Variants in NLGN4X observed in about 807,000 individuals in gnomAD.
The protein encoded by NLGN4X is neuroligin 4 X-linked.
Under a neutral mutation model 40.3 loss-of-function variants are expected in NLGN4X, and 3 were observed. That is an observed-to-expected ratio of 0.07 (90% CI 0.03 to 0.19). The LOEUF (loss-of-function observed/expected upper bound fraction) is 0.19, where lower values mean the gene tolerates loss of function less well. Ranked by LOEUF, NLGN4X falls within the 10% of genes least tolerant of loss-of-function variation. NLGN4X has a pLI of 1.00. For synonymous variants in NLGN4X, 270 were observed against 306.8 expected (o/e 0.88, Z 1.25); for missense variants, 382 against 708.3 (o/e 0.54, Z 5.23).
chrX:5,913,444 C>G (rs1381398899), intron 3 of NLGN4X, among the ~76,000 whole-genome samples: 1 of 111,498 alleles, frequency 9.0e-6, no homozygotes, highest in Non-Finnish European at 1.9e-5. Context: ...ACTTGATTGT[C>G]TAAAACCAGA....
chrX:6,068,176 C>T (rs914748766), intron 2 of NLGN4X, among the ~76,000 whole-genome samples: 2 of 111,555 alleles, frequency 1.8e-5, no homozygotes, highest in Admixed American at 9.5e-5. Context: ...TTTTACCAGA[C>T]AAGAAGACCA....
chrX:6,113,440 T>C (rs2039198448), intron 2 of NLGN4X, among the ~76,000 whole-genome samples: 1 of 111,298 alleles, frequency 9.0e-6, no homozygotes, highest in Non-Finnish European at 1.9e-5. Context: ...ACTCAGATCA[T>C]GTAGTAAAAA....
chrX:6,133,534 T>A (rs947821869), intron 2 of NLGN4X, among the ~76,000 whole-genome samples: 1 of 112,013 alleles, frequency 8.9e-6, no homozygotes, highest in Non-Finnish European at 1.9e-5. Flanking sequence ...GAAAGGAGTA[T>A]CTGTTTATAT....
intron 2 of NLGN4X, among the ~76,000 whole-genome samples, chrX:6,081,539 G>A (rs2038349813): frequency 1.8e-5 from 2 of 112,374 alleles, no homozygotes; most frequent in African/African-American, 3.2e-5. Flanking sequence ...TCTGAGAAGG[G>A]CCTTTTCCCA....
chrX:6,154,224 AC>A (rs2040217818), intron 1 of NLGN4X, among the ~76,000 whole-genome samples: 1 of 111,910 alleles, frequency 8.9e-6, no homozygotes, highest in South Asian at 3.7e-4. Context: ...GGCCAAAACC[AC>A]CCTCAAGGGA....
chrX:6,024,395 T>C (rs1010129398), intron 3 of NLGN4X, among the ~76,000 whole-genome samples: 3 of 111,041 alleles, frequency 2.7e-5, no homozygotes, highest in Non-Finnish European at 5.7e-5. Context: ...TTCCAAATTC[T>C]TGAATATATA....
chrX:5,954,027 C>G (rs1241561827), intron 3 of NLGN4X, among the ~76,000 whole-genome samples: 1 of 111,533 alleles, frequency 9.0e-6, no homozygotes, highest in Non-Finnish European at 1.9e-5. Flanking sequence ...ATAATTTATG[C>G]CCGCCCTGTG....
chrX:6,030,394 A>ATGTGTGTGTGTGTGTGTG (rs35006258), intron 2 of NLGN4X, among the ~76,000 whole-genome samples: 1,517 of 100,109 alleles, frequency 0.015, 37 homozygotes, highest in African/African-American at 0.054. Flanking sequence ...GGATACAGAT[A>ATGTGTGTGTGTGTGTGTG]TGTGTGTGTG....
At chrX:5,973,280 T>C (rs1042569576) in intron 3 of NLGN4X, among the ~76,000 whole-genome samples, 1 of 112,516 alleles carries the variant, frequency 8.9e-6, no homozygotes, top group Non-Finnish European at 1.9e-5. Context: ...ACAAATCATC[T>C]ATTGCTGCTC....
intron 1 of NLGN4X, among the ~76,000 whole-genome samples, chrX:6,215,340 C>T (rs1396675576): frequency 4.5e-5 from 5 of 110,271 alleles, no homozygotes; most frequent in Admixed American, 1.9e-4. Flanking sequence ...CACCTGAGGT[C>T]GGGAGTTCGA....
At chrX:6,045,514 C>T (rs187639553) in intron 2 of NLGN4X, among the ~76,000 whole-genome samples, 1 of 111,295 alleles carries the variant, frequency 9.0e-6, no homozygotes, top group East Asian at 2.8e-4. Context: ...ATTAGGTTGA[C>T]TCTACAAATA....
intron 2 of NLGN4X, among the ~76,000 whole-genome samples, chrX:6,071,653 C>T (rs2038067099): frequency 8.9e-6 from 1 of 111,855 alleles, no homozygotes; most frequent in Non-Finnish European, 1.9e-5. Flanking sequence ...CACTTAAATG[C>T]ATTTTGTTTC....
At chrX:6,125,715 T>C (rs374696046) in intron 2 of NLGN4X, among the ~76,000 whole-genome samples, 2 of 111,801 alleles carry the variant, frequency 1.8e-5, no homozygotes, top group South Asian at 3.6e-4. Context: ...CCACCCAAGA[T>C]AATTTTCACA....
Position 5,891,897 on chromosome X carries a change from T to C in NLGN4X, c.*920A>G. 7.2e-6 allele frequency: 1 copy of C among 137,954 alleles called. No homozygotes were observed. 11.4% of individuals were successfully genotyped at this position (137,954 alleles called of 1,213,427 possible). ...GGGGAAATAGGCCACACAGACCGTCTGGGTCTTCTGTGGGACATCACATCC... is the reference window on the plus strand; with the variant it reads ...GGGGAAATAGGCCACACAGACCGTCCGGGTCTTCTGTGGGACATCACATCC... On this transcript the variant is annotated 3_prime_UTR_variant, in exon 6 of 6. Transcript: ENST00000381095.
chrX:5,897,044 A>C (rs2031532109), intron 5 of NLGN4X, among the ~76,000 whole-genome samples: 1 of 111,853 alleles, frequency 8.9e-6, no homozygotes, highest in Admixed American at 9.5e-5. Context: ...TAGCTGATGC[A>C]AACAGGACAG....
At chrX:6,168,404 A>C (rs1022083287) in intron 1 of NLGN4X, among the ~76,000 whole-genome samples, 1 of 112,801 alleles carries the variant, frequency 8.9e-6, no homozygotes, top group African/African-American at 3.2e-5. Context: ...TAAACAAAAA[A>C]CGTAAAATAA....
At chrX:6,092,655 T>G (rs1404308668) in intron 2 of NLGN4X, among the ~76,000 whole-genome samples, 4 of 111,385 alleles carry the variant, frequency 3.6e-5, no homozygotes, top group Admixed American at 9.5e-5. Context: ...AAAATAAAGT[T>G]TGAAACAGGA....
chrX:5,965,214 G>A (rs1339871264), intron 3 of NLGN4X, among the ~76,000 whole-genome samples: 1 of 112,002 alleles, frequency 8.9e-6, no homozygotes, highest in East Asian at 2.8e-4. Flanking sequence ...GTGATTAACA[G>A]TCATAATCAG....
intron 2 of NLGN4X, among the ~76,000 whole-genome samples, chrX:6,086,939 A>T (rs1602204510): frequency 8.9e-6 from 1 of 111,834 alleles, no homozygotes; most frequent in East Asian, 2.8e-4. Context: ...CGGCTCATGC[A>T]ACAAAGCTTT....
Sources: gnomAD v4.1 joint callset for allele counts (sites outside exome capture counted in the v4.1 genomes callset) on GRCh38, gnomAD v4.1.1 for gene constraint, MANE v1.5 for transcripts, NCBI Gene and HGNC (gene_info 2026-07-23, HGNC 2026-07-21) for gene names.